ASPH: variants seen among roughly 807,000 people sequenced by gnomAD.
ASPH encodes the protein aspartate beta-hydroxylase, also known as aspartyl/asparaginyl beta-hydroxylase.
In ASPH, 100 loss-of-function variants were observed where a neutral mutation model predicts 118.4. That is an observed-to-expected ratio of 0.84 (90% CI 0.72 to 1.00). ASPH has a LOEUF of 1.00. Ranked by LOEUF, ASPH falls within the 50% of genes least tolerant of loss-of-function variation. ASPH has a pLI of 0.00. For synonymous variants in ASPH, 315 were observed against 325.6 expected (o/e 0.97, Z 0.35); for missense variants, 920 against 919.5 (o/e 1.00, Z -0.01).
At chr8:61,704,584 T>C (rs1836119408) in intron 1 of ASPH, among the ~76,000 whole-genome samples, 1 of 152,114 alleles carries the variant, frequency 6.6e-6, no homozygotes, top group African/African-American at 2.4e-5. Flanking sequence ...AAATATGTGC[T>C]ATATATATCT....
In ASPH at chr8:61,577,413, A is replaced by C. The variant is rs183727339; in HGVS notation, c.1063-555T>G. 6.7e-3 allele frequency among the ~76,000 whole-genome samples: 992 copies of C among 148,622 alleles called. 23 individuals carry two copies. The highest frequency in any genetic ancestry group is 0.023 in the African/African-American group (945 of 40,408). ...GCCCAATCTCGCAAAAAAAAAAAAA[A>C]AAAAAAAAAAGACAAGACACCTGAT... is the stretch of plus-strand genomic sequence containing the variant. On this transcript the variant is annotated intron_variant, in intron 15 of 24. Coordinates refer to ENST00000379454, the MANE Select transcript of ASPH (RefSeq NM_004318.4).
chr8:61,547,345 C>T (rs115678579), intron 21 of ASPH, among the ~76,000 whole-genome samples: 1,594 of 152,326 alleles, frequency 0.01, 30 homozygotes, highest in African/African-American at 0.036. Flanking sequence ...TTTATAACTG[C>T]GTTTTCTCTC....
intron 13 of ASPH, 98 bp from the exon 14 acceptor site, chr8:61,619,117 C>G: frequency 1.3e-6 from 1 of 778,718 alleles, no homozygotes; most frequent in Non-Finnish European, 2.0e-6. Context: ...TAAGTATAAT[C>G]AAAGAAAAAT....
chr8:61,554,291 A>G (rs1827059727), intron 19 of ASPH, among the ~76,000 whole-genome samples: 7 of 152,228 alleles, frequency 4.6e-5, no homozygotes, highest in Admixed American at 4.6e-4. Flanking sequence ...GAGAAACTAG[A>G]AGTCTGCATA....
At chr8:61,509,525 G>T (rs1388109292) in intron 24 of ASPH, among the ~76,000 whole-genome samples, 3 of 152,178 alleles carry the variant, frequency 2.0e-5, no homozygotes, top group African/African-American at 7.2e-5. Context: ...GTTTTAGCCG[G>T]CTTCTTTACT....
At chr8:61,611,430 T>C (rs1249348982) in intron 14 of ASPH, among the ~76,000 whole-genome samples, 1 of 152,012 alleles carries the variant, frequency 6.6e-6, no homozygotes, top group East Asian at 1.9e-4. Flanking sequence ...CTTTATTCAA[T>C]AGACAGAGAA....
At chr8:61,563,946 G>C (rs1830802328) in intron 17 of ASPH, among the ~76,000 whole-genome samples, 2 of 152,164 alleles carry the variant, frequency 1.3e-5, no homozygotes, top group South Asian at 2.1e-4. Context: ...AAAATCTTCT[G>C]TCTCCATTTG....
At chr8:61,604,461 C>T (rs1844995747) in intron 14 of ASPH, among the ~76,000 whole-genome samples, 2 of 152,130 alleles carry the variant, frequency 1.3e-5, no homozygotes, top group South Asian at 4.2e-4. Context: ...CACTGACATT[C>T]AGATAAATCA....
Position 61,521,268 on chromosome 8 carries a change from A to C in ASPH, c.1901-3145T>G, listed in dbSNP as rs142315379. 1.1e-3 allele frequency among the ~76,000 whole-genome samples: 172 copies of C among 152,360 alleles called. 2 individuals are homozygous for C. Among genetic ancestry groups the C allele is most frequent in the African/African-American group, 3.8e-3 (158 of 41,582 alleles). On this transcript the variant is annotated intron_variant, in intron 22 of 24. Coordinates refer to ENST00000379454, the MANE Select transcript of ASPH (RefSeq NM_004318.4). ...GGACCCAGTGTTCATGCTCTTAACCAGACCAGAGACCACCTCTCCACTACT... is the reference window on the plus strand; with the variant it reads ...GGACCCAGTGTTCATGCTCTTAACCCGACCAGAGACCACCTCTCCACTACT...
intron 13 of ASPH, chr8:61,625,451 G>T (rs1852411976): frequency 1.0e-6 from 1 of 985,100 alleles, no homozygotes; most frequent in East Asian, 1.1e-4. Flanking sequence ...AATTTATACA[G>T]GTTTTCTAAA....
At chr8:61,646,675 G>C in intron 6 of ASPH, 75 bp downstream of exon 6, 1 of 1,430,086 alleles carries the variant, frequency 7.0e-7, no homozygotes, top group Non-Finnish European at 9.4e-7. Flanking sequence ...GTTTTAAAGG[G>C]GTTTAAGAAA....
intron 3 of ASPH, chr8:61,662,816 A>G (rs1421251504): frequency 2.0e-6 from 2 of 980,832 alleles, no homozygotes; most frequent in East Asian, 2.3e-4. Flanking sequence ...TGAGATAGCC[A>G]AAACATTTCA....
At chr8:61,548,697 A>C (rs10808719) in intron 20 of ASPH, among the ~76,000 whole-genome samples, 137,658 of 152,176 alleles carry the variant, frequency 0.9, 62,795 homozygotes, top group East Asian at 1. Context: ...AGAAGGTCAC[A>C]CCAAGGCGTC....
At chr8:61,574,935 GCCTCCTTGAT>G (rs1180707098) in intron 16 of ASPH, among the ~76,000 whole-genome samples, 3 of 152,164 alleles carry the variant, frequency 2.0e-5, no homozygotes, top group African/African-American at 7.2e-5. Flanking sequence ...CAAGGTCACA[GCCTCCTTGAT>G]CCTTGCTTCC....
At chr8:61,628,261 G>A (rs1300947264) in intron 13 of ASPH, 2 of 301,846 alleles carry the variant, frequency 6.6e-6, no homozygotes, top group Non-Finnish European at 1.3e-5. Context: ...CTGGACTCAA[G>A]GAATTCTTCC....
intron 21 of ASPH, among the ~76,000 whole-genome samples, chr8:61,534,657 G>A (rs866931453): frequency 6.6e-6 from 1 of 152,178 alleles, no homozygotes; most frequent in African/African-American, 2.4e-5. Context: ...GATACTTGAG[G>A]TTTGACCTAA....
At chr8:61,541,957 A>G (rs1334691245) in intron 21 of ASPH, among the ~76,000 whole-genome samples, 1 of 152,246 alleles carries the variant, frequency 6.6e-6, no homozygotes, top group African/African-American at 2.4e-5. Flanking sequence ...AGTAACTTTG[A>G]CAGCAGTAGT....
chr8:61,653,592 C>T lies in ASPH; in HGVS notation c.391G>A (p.Glu131Lys), dbSNP rs777565690. The change falls in exon 4 of 25, where the codon GAG becomes AAG. Residue 131 changes from glutamate (E) to lysine (K), a missense_variant. By Grantham distance (56) the Glu-to-Lys change is moderately conservative. Coordinates refer to ENST00000379454, the MANE Select transcript of ASPH (RefSeq NM_004318.4). ...PEEAEPHTEP[E>K]EQVPVEAEPQ... The stretch of plus-strand genomic sequence containing the variant: ...CCTGCCTCCACAGGAACCTGCTCCT[C>T]GGGCTCAGTGTGTGGCTCAGCCTCT... The T allele has an allele frequency of 1.2e-5, 19 of 1,613,904 alleles. No individual in the cohort carries two copies. Among genetic ancestry groups the T allele is most frequent in the Non-Finnish European group, 1.6e-5 (19 of 1,179,952 alleles).
chr8:61,516,392 A>G (rs1452832624), intron 24 of ASPH, among the ~76,000 whole-genome samples: 1 of 152,154 alleles, frequency 6.6e-6, no homozygotes, highest in Non-Finnish European at 1.5e-5. Context: ...TGTCCTCAGA[A>G]GAGGACGGCC....
Sources: gnomAD v4.1 joint callset for allele counts (sites outside exome capture counted in the v4.1 genomes callset) on GRCh38, gnomAD v4.1.1 for gene constraint, MANE v1.5 for transcripts, NCBI Gene and HGNC (gene_info 2026-07-23, HGNC 2026-07-21) for gene names.